The following OR7D4 variants were observed in gnomAD, a reference collection of about 807,000 sequenced individuals.
OR7D4 encodes the protein olfactory receptor family 7 subfamily D member 4.
For synonymous variants in OR7D4, 154 were observed against 158.4 expected (o/e 0.97, Z 0.21); for missense variants, 319 against 377.1 (o/e 0.85, Z 1.27).
chr19:9,216,124 C>G (rs1005231098), intron 1 of OR7D4, among the ~76,000 whole-genome samples: 1 of 152,178 alleles, frequency 6.6e-6, no homozygotes, highest in African/African-American at 2.4e-5. Flanking sequence ...AGACCTGTCT[C>G]CATGATTCAA....
intron 1 of OR7D4, 26 bp from the exon 2 acceptor site, chr19:9,214,876 C>T (rs772304704): frequency 1.2e-5 from 15 of 1,295,642 alleles, no homozygotes; most frequent in Middle Eastern, 1.9e-4. Flanking sequence ...GAAAAAGCAA[C>T]GTTTAATGAA....
At chr19:9,217,600 G>A (rs2051224216) in intron 1 of OR7D4, among the ~76,000 whole-genome samples, 2 of 152,228 alleles carry the variant, frequency 1.3e-5, no homozygotes, top group Non-Finnish European at 2.9e-5. Flanking sequence ...GTATAGTGGT[G>A]CTATCTCTGT....
Position 9,214,487 on chromosome 19 carries a change from C to A in OR7D4, c.351G>T (p.Val117=). 6.2e-7 allele frequency: 1 copy of A among 1,614,118 alleles called. No individual in the cohort carries two copies. The highest frequency in any genetic ancestry group is 8.5e-7 in the Non-Finnish European group (1 of 1,180,022). ...TGGCCACAAACCGGTCATAGGCCATCACGGCCAGTAGGAAAGTATCCATTC... is the reference window on the plus strand; with the variant it reads ...TGGCCACAAACCGGTCATAGGCCATAACGGCCAGTAGGAAAGTATCCATTC... ...FAGMDTFLLA[V]MAYDRFVAIC... The change falls in exon 2 of 2, where the codon GTG becomes GTT. Residue 117 remains valine, a synonymous_variant. Transcript: ENST00000641669.
At chr19:9,215,297 C>G (rs1446421482) in intron 1 of OR7D4, among the ~76,000 whole-genome samples, 3 of 131,920 alleles carry the variant, frequency 2.3e-5, no homozygotes, top group Non-Finnish European at 4.7e-5. Context: ...GAGCCAAGAT[C>G]ATGGCACTGC....
chr19:9,218,196 C>T (rs554453944), intron 1 of OR7D4, among the ~76,000 whole-genome samples: 1 of 152,204 alleles, frequency 6.6e-6, no homozygotes, highest in East Asian at 1.9e-4. Flanking sequence ...AAAGCATCAA[C>T]TATAACACAA....
Position 9,211,877 on chromosome 19 carries a change from C to T in OR7D4, c.*2022G>A, listed in dbSNP as rs1482219127. On this transcript the variant is annotated 3_prime_UTR_variant, in exon 2 of 2. Transcript: ENST00000641669. ...ATTCAATGGATTTGCAGATATGACT[C>T]CCATTTCATTTTAAAATTAAAAAAA... is the stretch of plus-strand genomic sequence containing the variant. The T allele has an allele frequency of 6.7e-6, 1 of 149,004 alleles. No homozygotes were observed. The highest frequency in any genetic ancestry group is 1.5e-5 in the Non-Finnish European group (1 of 67,812). 9.2% of individuals were successfully genotyped at this position (149,004 alleles called of 1,614,324 possible). A position where few individuals can be genotyped will look rare whatever the true frequency, so the allele number is the denominator to read the frequency against.
Position 9,214,789 on chromosome 19 carries a change from G to A in OR7D4, c.49C>T (p.Leu17Phe), listed in dbSNP as rs57568862. The change falls in exon 2 of 2, where the codon CTC becomes TTC. Residue 17 changes from leucine (L) to phenylalanine (F), a missense_variant. Physicochemically the swap from Leu to Phe is conservative, Grantham distance 22. Transcript: ENST00000641669. ...GGCTGCAGTTCAGGATCATCTGAGAGTCCCAGGAGGAGAAATTTTGATAAT... is the reference window on the plus strand; with the variant it reads ...GGCTGCAGTTCAGGATCATCTGAGAATCCCAGGAGGAGAAATTTTGATAAT... ...TELSKFLLLGLSDDPELQPVL... is the reference protein window; with the variant it reads ...TELSKFLLLGFSDDPELQPVL... 240 of 1,612,430 alleles carry A rather than the reference G, an allele frequency of 1.5e-4. 5 individuals are homozygous for A. The Middle Eastern group carries it at 5.5e-3, about 37-fold the overall frequency.
intron 1 of OR7D4, among the ~76,000 whole-genome samples, chr19:9,216,599 C>CTT (rs910591449): frequency 6.7e-6 from 1 of 148,404 alleles, no homozygotes; most frequent in African/African-American, 2.5e-5. Flanking sequence ...TGTTCTTTTG[C>CTT]TTTTTTTTTT....
chr19:9,218,920 C>T (rs1177226961), intron 1 of OR7D4, among the ~76,000 whole-genome samples: 1 of 151,840 alleles, frequency 6.6e-6, no homozygotes, highest in Non-Finnish European at 1.5e-5. Context: ...AGATGTGAGC[C>T]ACTACGTTCA....
rs571452567 is a variant in OR7D4, at chr19:9,211,957, C to G, written c.*1942G>C. 6.6e-6 allele frequency: 1 copy of G among 152,144 alleles called. No individual in the cohort carries two copies. The highest frequency in any genetic ancestry group is 1.5e-5 in the Non-Finnish European group (1 of 68,014). The allele number at this position is 152,144 out of a possible 1,614,324, so 9.4% of individuals were successfully genotyped here. On this transcript the variant is annotated 3_prime_UTR_variant, in exon 2 of 2. Coordinates refer to ENST00000641669, the MANE Select transcript of OR7D4 (RefSeq NM_001005191.3). The stretch of plus-strand genomic sequence containing the variant: ...AACTTGGTGGTGGGAACTCAGAGGA[C>G]AGAAGAGGTTTTAATGAGAAGAGGA...
intron 1 of OR7D4, 129 bp from the exon 2 acceptor site, chr19:9,214,979 ATCTC>A: frequency 3.3e-6 from 2 of 600,904 alleles, no homozygotes; most frequent in Non-Finnish European, 5.9e-6. Flanking sequence ...AAGACAATGA[ATCTC>A]TCAGGAAGTG....
rs147697203 is a variant in OR7D4, at chr19:9,214,240, A to G, written c.598T>C (p.Tyr200His). 2.5e-6 allele frequency: 4 copies of G among 1,614,062 alleles called. No individual in the cohort carries two copies. The highest frequency in any genetic ancestry group is 1.1e-5 in the South Asian group (1 of 91,070). ...ACACCCAGCAGTGCCGTGGCCACAT[A>G]CAAGACAATGTTATTGAGGAGGGTG... is the stretch of plus-strand genomic sequence containing the variant. ...SNTLLNNIVL[Y>H]VATALLGVFP... is the part of the protein sequence containing the mutation. The change falls in exon 2 of 2, where the codon TAT becomes CAT. Residue 200 changes from tyrosine to histidine, a missense_variant. Physicochemically the swap from Tyr to His is moderately conservative, Grantham distance 83. Transcript: ENST00000641669.
At chr19:9,218,634 AT>A (rs954393409) in intron 1 of OR7D4, among the ~76,000 whole-genome samples, 21 of 151,578 alleles carry the variant, frequency 1.4e-4, no homozygotes, top group East Asian at 3.9e-4. Context: ...ATGCAAATGG[AT>A]TTTTTTTTGG....
chr19:9,214,407 A>G lies in OR7D4; in HGVS notation c.431T>C (p.Leu144Pro), dbSNP rs148997362. 487 of 1,614,074 alleles carry G rather than the reference A, an allele frequency of 3.0e-4. No individual in the cohort carries two copies. The highest frequency in any genetic ancestry group is 3.6e-4 in the Non-Finnish European group (430 of 1,180,038). ...AATGATGAACCAAGATGCCAGAACCAGGAGGCCACAGAGGCAGGGGTTCAT... is the reference window on the plus strand; with the variant it reads ...AATGATGAACCAAGATGCCAGAACCGGGAGGCCACAGAGGCAGGGGTTCAT... ...VIMNPCLCGL[L>P]VLASWFIIFW... is the part of the protein sequence containing the mutation. The change falls in exon 2 of 2, where the codon CTG becomes CCG. Residue 144 changes from leucine to proline, a missense_variant. Transcript: ENST00000641669.
chr19:9,214,492 C>A lies in OR7D4; in HGVS notation c.346G>T (p.Ala116Ser). 6.2e-7 allele frequency: 1 copy of A among 1,614,048 alleles called. No homozygotes were observed. ...MFAGMDTFLL[A>S]VMAYDRFVAI... is the part of the protein sequence containing the mutation. ...ACAAACCGGTCATAGGCCATCACGG[C>A]CAGTAGGAAAGTATCCATTCCAGCA... Residue 116 changes from alanine to serine, a missense_variant, in exon 2 of 2, where the codon GCC becomes TCC. By Grantham distance (99) the Ala-to-Ser change is moderately conservative. Coordinates refer to ENST00000641669, the MANE Select transcript of OR7D4 (RefSeq NM_001005191.3).
At chr19:9,217,161 G>T (rs1416172024) in intron 1 of OR7D4, among the ~76,000 whole-genome samples, 1 of 152,116 alleles carries the variant, frequency 6.6e-6, no homozygotes, top group Non-Finnish European at 1.5e-5. Context: ...GAAAAGAAAG[G>T]GACACCGCCA....
rs2051170202 is a variant in OR7D4, at chr19:9,211,124, C to G, written c.*2775G>C. 2.0e-5 allele frequency: 3 copies of G among 152,320 alleles called. No homozygotes were observed. Among genetic ancestry groups the G allele is most frequent in the Admixed American group, 6.5e-5 (1 of 15,280 alleles). The allele number at this position is 152,320 out of a possible 1,614,324, so 9.4% of individuals were successfully genotyped here. A position where few individuals can be genotyped will look rare whatever the true frequency, so the allele number is the denominator to read the frequency against. ...GCCTCTGTTGCTCTGTCCCTTGCTT[C>G]CCTGCACTGACAGAACTCAGCTGGC... On this transcript the variant is annotated 3_prime_UTR_variant, in exon 2 of 2. Coordinates refer to ENST00000641669, the MANE Select transcript of OR7D4 (RefSeq NM_001005191.3).
rs571463766 is a variant in OR7D4 at position 9,211,068 on chromosome 19, A to T, written c.*2831T>A. ...AATCTCCATGGTCTTGGGTGCTTAG[A>T]GACCCATGTCCTGGTAGAAGGATAG... On this transcript the variant is annotated 3_prime_UTR_variant, in exon 2 of 2. Coordinates refer to ENST00000641669, the MANE Select transcript of OR7D4 (RefSeq NM_001005191.3). 1 of 152,418 alleles carries T rather than the reference A, an allele frequency of 6.6e-6. No individual in the cohort carries two copies. The highest frequency in any genetic ancestry group is 6.5e-5 in the Admixed American group (1 of 15,302). The allele number at this position is 152,418 out of a possible 1,614,324, so 9.4% of individuals were successfully genotyped here.
chr19:9,214,275 G>C lies in OR7D4; in HGVS notation c.563C>G (p.Ala188Gly). The C allele has an allele frequency of 1.9e-6, 3 of 1,614,122 alleles. No individual in the cohort carries two copies. Among genetic ancestry groups the C allele is most frequent in the Non-Finnish European group, 2.5e-6 (3 of 1,179,994 alleles). Residue 188 changes from alanine (A) to glycine (G), a missense_variant, in exon 2 of 2, where the codon GCC becomes GGC. Ala to Gly is a moderately conservative substitution (Grantham distance 60). Coordinates refer to ENST00000641669, the MANE Select transcript of OR7D4 (RefSeq NM_001005191.3). ...GTTATTGAGGAGGGTGTTAGAGCAG[G>C]CCACCTTGAGGACCTGAGCCGGTTC... ...FCEPAQVLKV[A>G]CSNTLLNNIV...
Sources: allele counts gnomAD v4.1 joint callset (sites outside exome capture counted in the v4.1 genomes callset), GRCh38; gene constraint gnomAD v4.1.1; transcripts MANE v1.5; gene names NCBI Gene and HGNC (gene_info 2026-07-23, HGNC 2026-07-21).